DSE: variants seen among roughly 807,000 people sequenced by gnomAD.
DSE encodes dermatan-sulfate epimerase.
DSE carries 36 observed loss-of-function variants against 84.4 expected under a neutral mutation model. The observed-to-expected ratio is 0.43, with a 90% confidence interval of 0.33 to 0.56. The LOEUF (loss-of-function observed/expected upper bound fraction) is 0.56. Among genes scored for constraint, DSE ranks in the 20% least tolerant of loss-of-function variants. The pLI is 0.06. For synonymous variants in DSE, 410 were observed against 430.1 expected, an observed-to-expected ratio of 0.95 and a Z score of 0.58; for missense variants, 862 against 1,169.6, an observed-to-expected ratio of 0.74 and a Z score of 3.84.
intron 1 of DSE, 137 bp from the exon 2 acceptor site, chr6:116,399,061 A>C (rs1781423879): frequency 2.8e-6 from 2 of 708,464 alleles, no homozygotes; most frequent in Non-Finnish European, 4.5e-6. Flanking sequence ...TCCTAATTAA[A>C]TTTTTTTGTT....
At chr6:116,333,981 C>T (rs1317816857) in intron 2 of DSE, among the ~76,000 whole-genome samples, 1 of 152,078 alleles carries the variant, frequency 6.6e-6, no homozygotes, top group East Asian at 1.9e-4. Context: ...CAAAAACAAC[C>T]CTCCAAAATA....
At chr6:116,390,181 C>T (rs1780810112) in intron 1 of DSE, among the ~76,000 whole-genome samples, 1 of 152,074 alleles carries the variant, frequency 6.6e-6, no homozygotes, top group Non-Finnish European at 1.5e-5. Context: ...GATCCTCCCA[C>T]CTCAGCCTCC....
At chr6:116,346,673 G>A (rs1157106144) in intron 2 of DSE, among the ~76,000 whole-genome samples, 3 of 152,096 alleles carry the variant, frequency 2.0e-5, no homozygotes, top group Admixed American at 2.0e-4. Context: ...ATACTGAATG[G>A]GCAAAAACTG....
chr6:116,426,256 C>CCTGCCAACA (rs1783443565), intron 2 of DSE, among the ~76,000 whole-genome samples: 1 of 152,050 alleles, frequency 6.6e-6, no homozygotes, highest in African/African-American at 2.4e-5. Flanking sequence ...AGAATTTTGC[C>CCTGCCAACA]CTGCCAACAC....
Position 116,435,788 on chromosome 6 carries a change from C to T in DSE, c.1320C>T (p.Ile440=). Residue 440 remains isoleucine (I), a synonymous_variant, in exon 6 of 6, where the codon ATC becomes ATT. Transcript: ENST00000644252. ...ACAGAAACAAATACAAAGATTGGAT[C>T]AAAGGATGGAGAAATTTTAATGCAG... ...IVHRNKYKDW[I]KGWRNFNAGH... The T allele has an allele frequency of 6.2e-7, 1 of 1,614,056 alleles. No individual in the cohort carries two copies. Among genetic ancestry groups the T allele is most frequent in the South Asian group, 1.1e-5 (1 of 91,076 alleles).
chr6:116,278,357 A>G, intron 2 of DSE: 1 of 870,454 alleles, frequency 1.1e-6, no homozygotes, highest in Admixed American at 2.4e-5. Flanking sequence ...CACCGTCTCA[A>G]TCTTGAGGTT....
At chr6:116,300,000 T>A (rs1774937315) in intron 2 of DSE, among the ~76,000 whole-genome samples, 1 of 152,210 alleles carries the variant, frequency 6.6e-6, no homozygotes, top group Admixed American at 6.5e-5. Flanking sequence ...CTGCCAATTA[T>A]TTGCTTTTAT....
At chr6:116,279,579 T>A in intron 2 of DSE, 1 of 1,602,122 alleles carries the variant, frequency 6.2e-7, no homozygotes, top group Non-Finnish European at 8.5e-7. Context: ...CCCCAACAAC[T>A]CGGATCTGGG....
intron 5 of DSE, 119 bp from the exon 6 acceptor site, chr6:116,435,468 A>G (rs1343727824): frequency 4.1e-6 from 4 of 987,476 alleles, no homozygotes; most frequent in Non-Finnish European, 5.8e-6. Context: ...TGTCCCTAAT[A>G]TACTCTGCAC....
At chr6:116,316,145 T>C (rs77866483) in intron 2 of DSE, among the ~76,000 whole-genome samples, 6,711 of 152,252 alleles carry the variant, frequency 0.044, 506 homozygotes, top group African/African-American at 0.15. Flanking sequence ...ATAGCTTAAG[T>C]TTATCTCAAT....
At chr6:116,374,925 G>A (rs769130415) in intron 1 of DSE, among the ~76,000 whole-genome samples, 1 of 152,164 alleles carries the variant, frequency 6.6e-6, no homozygotes. Context: ...GAGTTTTAGA[G>A]GTGGCAGTTA....
intron 2 of DSE, among the ~76,000 whole-genome samples, chr6:116,286,848 G>A (rs538834101): frequency 6.6e-6 from 1 of 152,146 alleles, no homozygotes; most frequent in East Asian, 1.9e-4. Flanking sequence ...AAAAGAAAAA[G>A]GAAAAGCTCC....
intron 2 of DSE, among the ~76,000 whole-genome samples, chr6:116,315,118 C>T (rs1302357064): frequency 6.6e-6 from 1 of 152,132 alleles, no homozygotes; most frequent in Non-Finnish European, 1.5e-5. Flanking sequence ...CAGCTTCCTC[C>T]ATCTCTCTAG....
At chr6:116,269,610 G>A (rs1398377100) in intron 2 of DSE, among the ~76,000 whole-genome samples, 1 of 152,138 alleles carries the variant, frequency 6.6e-6, no homozygotes, top group African/African-American at 2.4e-5. Flanking sequence ...CTATGTTACA[G>A]TTAATTCCTA....
At chr6:116,292,933 G>A (rs1239517896) in intron 2 of DSE, among the ~76,000 whole-genome samples, 1 of 152,158 alleles carries the variant, frequency 6.6e-6, no homozygotes, top group Admixed American at 6.5e-5. Flanking sequence ...GAAAGGATGT[G>A]TACCCAGTTG....
At chr6:116,402,316 CTG>C (rs924040146) in intron 2 of DSE, among the ~76,000 whole-genome samples, 1 of 152,156 alleles carries the variant, frequency 6.6e-6, no homozygotes, top group Non-Finnish European at 1.5e-5. Flanking sequence ...AGCACCAACT[CTG>C]GAGTCACACT....
At chr6:116,370,304 A>G, upstream of DSE, 1 of 253,308 alleles carries the variant, frequency 3.9e-6, no homozygotes, top group Non-Finnish European at 6.7e-6. Context: ...TTCCGTTTGC[A>G]GGGTTCGGTG....
intron 2 of DSE, among the ~76,000 whole-genome samples, chr6:116,348,710 G>T (rs1382816232): frequency 6.6e-6 from 1 of 152,178 alleles, no homozygotes; most frequent in African/African-American, 2.4e-5. Context: ...CGATAGCAAA[G>T]ACTTGGAACC....
chr6:116,432,348 TAAAC>T (rs895437989), intron 4 of DSE, among the ~76,000 whole-genome samples: 16 of 152,220 alleles, frequency 1.1e-4, no homozygotes, highest in Admixed American at 3.3e-4. Context: ...TTGTGTTAAT[TAAAC>T]AAACTTTTAT....
Sources: allele counts gnomAD v4.1 joint callset (sites outside exome capture counted in the v4.1 genomes callset), GRCh38; gene constraint gnomAD v4.1.1; transcripts MANE v1.5; gene names NCBI Gene and HGNC (gene_info 2026-07-23, HGNC 2026-07-21).